MAGI2: variants seen among roughly 807,000 people sequenced by gnomAD.
The protein encoded by MAGI2 is membrane-associated guanylate kinase, WW and PDZ domain-containing protein 2.
In MAGI2, 35 loss-of-function variants were observed where a neutral mutation model predicts 133.3. The ratio of observed to expected loss-of-function variants is 0.26; its 90% CI spans 0.20 to 0.35. MAGI2 has a LOEUF of 0.35. Ranked by LOEUF, MAGI2 falls within the 10% of genes least tolerant of loss-of-function variation. The pLI, the probability that MAGI2 is intolerant of heterozygous loss-of-function variation, is 1.00. For synonymous variants in MAGI2, 729 were observed against 710.6 expected, an observed-to-expected ratio of 1.03 and a Z score of -0.41; for missense variants, 1,636 against 1,863.4, an observed-to-expected ratio of 0.88 and a Z score of 2.25.
chr7:79,311,893 T>C (rs909676386), intron 1 of MAGI2, among the ~76,000 whole-genome samples: 4 of 152,206 alleles, frequency 2.6e-5, no homozygotes, highest in Non-Finnish European at 5.9e-5. Context: ...CTTTTTGTCA[T>C]ATTTCATATC....
chr7:78,028,848 CAAAAA>C (rs56201811), intron 21 of MAGI2, among the ~76,000 whole-genome samples: 2 of 84,424 alleles, frequency 2.4e-5, no homozygotes, highest in Admixed American at 1.3e-4. Flanking sequence ...GACTCCATCT[CAAAAA>C]AAAAAAAAAA....
intron 3 of MAGI2, among the ~76,000 whole-genome samples, chr7:78,599,985 A>G (rs1805017763): frequency 6.6e-6 from 1 of 152,164 alleles, no homozygotes; most frequent in Admixed American, 6.5e-5. Context: ...CAAACCCTTT[A>G]AGCAGAATGC....
intron 2 of MAGI2, among the ~76,000 whole-genome samples, chr7:78,827,392 C>T (rs529305909): frequency 1.3e-5 from 2 of 152,292 alleles, no homozygotes; most frequent in South Asian, 4.1e-4. Context: ...AATCCTCCTG[C>T]CTCAGCCTCC....
intron 1 of MAGI2, among the ~76,000 whole-genome samples, chr7:79,256,754 G>A (rs547939008): frequency 1.3e-5 from 2 of 151,968 alleles, no homozygotes; most frequent in African/African-American, 4.8e-5. Flanking sequence ...GCTTCCCAAA[G>A]TGTTGGGATT....
intron 2 of MAGI2, among the ~76,000 whole-genome samples, chr7:78,711,130 A>G (rs1408197795): frequency 6.6e-5 from 10 of 152,282 alleles, no homozygotes; most frequent in African/African-American, 2.2e-4. Flanking sequence ...CACAGGATAT[A>G]TGTGTGTTAA....
At chr7:79,334,170 G>A (rs1019950199) in intron 1 of MAGI2, among the ~76,000 whole-genome samples, 7 of 152,082 alleles carry the variant, frequency 4.6e-5, no homozygotes, top group Admixed American at 1.3e-4. Context: ...ATTTCTGCCA[G>A]TTCTTATGTA....
At chr7:79,336,187 A>T (rs1225984270) in intron 1 of MAGI2, among the ~76,000 whole-genome samples, 1 of 152,068 alleles carries the variant, frequency 6.6e-6, no homozygotes, top group Non-Finnish European at 1.5e-5. Context: ...CTCAGGATAG[A>T]TTTATCATGA....
chr7:79,275,732 T>C (rs1166032113), intron 1 of MAGI2, among the ~76,000 whole-genome samples: 2 of 152,120 alleles, frequency 1.3e-5, no homozygotes, highest in African/African-American at 4.8e-5. Flanking sequence ...CCAACACAGC[T>C]GGTGTCTTTA....
intron 3 of MAGI2, among the ~76,000 whole-genome samples, chr7:78,590,115 G>A (rs1334241198): frequency 6.6e-6 from 1 of 152,194 alleles, no homozygotes; most frequent in Non-Finnish European, 1.5e-5. Flanking sequence ...CTTAGGGAGA[G>A]GCAGAAGAGG....
rs60580466 is a variant in MAGI2, at chr7:78,853,332, C to CTTTTTTTTTTTTTTTTTTTTTT, written c.418+153736_418+153757dup. Among the ~76,000 whole-genome samples, 4 of 25,076 alleles carry CTTTTTTTTTTTTTTTTTTTTTT rather than the reference C, an allele frequency of 1.6e-4. 1 individual carries two copies. The highest frequency in any genetic ancestry group is 2.2e-4 in the Non-Finnish European group (3 of 13,910). The allele number at this position is 25,076 out of a possible 152,430, so 16.5% of individuals were successfully genotyped here. A position where few individuals can be genotyped will look rare whatever the true frequency, so the allele number is the denominator to read the frequency against. ...CTCATATTACTCTTGTCCATTCGTT[C>CTTTTTTTTTTTTTTTTTTTTTT]TTTTTTTTTTTTTTTTTTTTTTTTT... On this transcript the variant is annotated intron_variant, in intron 2 of 21. Coordinates refer to ENST00000354212, the MANE Select transcript of MAGI2 (RefSeq NM_012301.4).
At chr7:78,174,258 G>T (rs1012315827) in intron 14 of MAGI2, among the ~76,000 whole-genome samples, 11 of 152,306 alleles carry the variant, frequency 7.2e-5, no homozygotes, top group African/African-American at 2.4e-4. Context: ...GGAGCTCAGA[G>T]ATTAGTAAAA....
chr7:78,305,388 G>A (rs903498088), intron 9 of MAGI2, among the ~76,000 whole-genome samples: 2 of 152,292 alleles, frequency 1.3e-5, no homozygotes, highest in South Asian at 2.1e-4. Context: ...GACAGCGAGC[G>A]TGTCTACTTG....
chr7:78,259,387 G>A (rs2150958983), intron 9 of MAGI2, among the ~76,000 whole-genome samples: 1 of 152,214 alleles, frequency 6.6e-6, no homozygotes. Context: ...AATCCTCTGT[G>A]ACTCAGATTT....
intron 2 of MAGI2, among the ~76,000 whole-genome samples, chr7:78,914,436 C>G (rs1465388176): frequency 1.2e-4 from 18 of 152,052 alleles, no homozygotes; most frequent in Admixed American, 1.2e-3. Context: ...CAACAAAATA[C>G]TTTTTCATTT....
At chr7:78,653,564 C>T (rs1811805217) in intron 2 of MAGI2, among the ~76,000 whole-genome samples, 1 of 151,730 alleles carries the variant, frequency 6.6e-6, no homozygotes, top group Admixed American at 6.6e-5. Context: ...TGTTCTCACT[C>T]ATAAGTGGGA....
intron 2 of MAGI2, among the ~76,000 whole-genome samples, chr7:78,820,937 T>G (rs980540541): frequency 6.6e-6 from 1 of 152,024 alleles, no homozygotes; most frequent in African/African-American, 2.4e-5. Flanking sequence ...TGATAAATTT[T>G]TAATTGGGAT....
intron 10 of MAGI2, among the ~76,000 whole-genome samples, chr7:78,209,536 C>G (rs1231440027): frequency 6.6e-6 from 1 of 152,042 alleles, no homozygotes; most frequent in Non-Finnish European, 1.5e-5. Context: ...GCTGGGATTA[C>G]AGGTGTGAGT....
chr7:78,263,877 T>A (rs912116232), intron 9 of MAGI2, among the ~76,000 whole-genome samples: 1 of 152,190 alleles, frequency 6.6e-6, no homozygotes, highest in Non-Finnish European at 1.5e-5. Context: ...TATGCTTCAG[T>A]TGGCCCCAGC....
At chr7:78,892,176 T>G (rs1183612646) in intron 2 of MAGI2, among the ~76,000 whole-genome samples, 4 of 152,176 alleles carry the variant, frequency 2.6e-5, no homozygotes, top group African/African-American at 9.7e-5. Context: ...TTACAAGGGA[T>G]GTGAAGGACC....
Sources: gnomAD v4.1 joint callset for allele counts (sites outside exome capture counted in the v4.1 genomes callset) on GRCh38, gnomAD v4.1.1 for gene constraint, MANE v1.5 for transcripts, NCBI Gene and HGNC (gene_info 2026-07-23, HGNC 2026-07-21) for gene names.